PHF11: variants seen among roughly 807,000 people sequenced by gnomAD.
PHF11 encodes the protein PHD finger protein 11.
PHF11 carries 38 observed loss-of-function variants against 40.5 expected under a neutral mutation model. The ratio of observed to expected loss-of-function variants is 0.94; its 90% confidence interval spans 0.72 to 1.23. The LOEUF (loss-of-function observed/expected upper bound fraction) is 1.23. PHF11 is among the 50% of genes most tolerant of loss of function. PHF11 has a pLI of 0.00. For synonymous variants in PHF11, 127 were observed against 138.2 expected (o/e 0.92, Z 0.57); for missense variants, 369 against 392.4 (o/e 0.94, Z 0.50).
rs1566185308 is a variant in PHF11, at chr13:49,501,007, T to TTTTTTG, written c.94+4917_94+4918insGTTTTT. Among the ~76,000 whole-genome samples the TTTTTTG allele has an allele frequency of 9.8e-5, 12 of 122,542 alleles. 1 individual carries two copies. The highest frequency in any genetic ancestry group is 4.7e-4 in the African/African-American group (12 of 25,658). 80.4% of individuals were successfully genotyped at this position (122,542 alleles called of 152,430 possible). A position where few individuals can be genotyped will look rare whatever the true frequency, so the allele number is the denominator to read the frequency against. ...TGGGAGTCACCAACTTTTGTTTTTT[T>TTTTTTG]TTTTTTTTGGTTTTTTTTTTTCTGA... is the stretch of plus-strand genomic sequence containing the variant. On this transcript the variant is annotated intron_variant, in intron 1 of 9. Transcript: ENST00000378319.
chr13:49,501,000 GTT>G (rs1206782081), intron 1 of PHF11, among the ~76,000 whole-genome samples: 3 of 51,310 alleles, frequency 5.8e-5, no homozygotes, highest in South Asian at 1.2e-3. Flanking sequence ...ACCAACTTTT[GTT>G]TTTTTTTTTT....
intron 1 of PHF11, among the ~76,000 whole-genome samples, chr13:49,504,668 G>A (rs1193962177): frequency 1.3e-5 from 2 of 151,354 alleles, no homozygotes; most frequent in African/African-American, 2.4e-5. Context: ...CCCCTACTAG[G>A]AAGTGAGGAG....
intron 8 of PHF11, chr13:49,526,030 G>A (rs1297305790): frequency 1.8e-5 from 6 of 328,184 alleles, no homozygotes; most frequent in Non-Finnish European, 1.2e-5. Context: ...TTAGCCGGGC[G>A]TGGCGGTGCG....
At chr13:49,518,936 C>G (rs1017894343) in intron 4 of PHF11, 2 of 150,392 alleles carry the variant, frequency 1.3e-5, no homozygotes, top group African/African-American at 2.5e-5. Context: ...CCCGGGTTCA[C>G]GCCATTCTCC....
At chr13:49,523,139 A>C in intron 6 of PHF11, 36 bp from the exon 7 acceptor site, 1 of 1,342,800 alleles carries the variant, frequency 7.4e-7, no homozygotes, top group East Asian at 2.3e-5. Flanking sequence ...TGCAATATTA[A>C]AATCAATGTA....
intron 8 of PHF11, 105 bp from the exon 9 acceptor site, chr13:49,526,282 C>T: frequency 1.4e-6 from 1 of 718,122 alleles, no homozygotes; most frequent in Non-Finnish European, 2.5e-6. Context: ...TTCCATGGCA[C>T]ATGACTGCTC....
At chr13:49,524,273 A>C in intron 8 of PHF11, 57 bp downstream of exon 8, 1 of 327,220 alleles carries the variant, frequency 3.1e-6, no homozygotes, top group Non-Finnish European at 4.8e-6. Context: ...TCTAGATTTA[A>C]AACAAAACAA....
intron 3 of PHF11, 148 bp downstream of exon 3, chr13:49,513,314 CAACTT>C: frequency 2.2e-6 from 1 of 457,796 alleles, no homozygotes; most frequent in South Asian, 3.2e-5. Flanking sequence ...AACCTCAATT[CAACTT>C]AACATTTAAT....
chr13:49,521,997 T>G (rs754922859), intron 5 of PHF11, 46 bp from the exon 6 acceptor site: 1 of 937,624 alleles, frequency 1.1e-6, no homozygotes, highest in Non-Finnish European at 1.7e-6. Context: ...CAAACAGTAA[T>G]CTTTTCCTTT....
At chr13:49,525,161 T>C (rs571205839) in intron 8 of PHF11, among the ~76,000 whole-genome samples, 25 of 152,384 alleles carry the variant, frequency 1.6e-4, no homozygotes, top group African/African-American at 5.8e-4. Context: ...GGTTTAAAGA[T>C]GTACTTTGTT....
Position 49,501,017 on chromosome 13 carries a change from G to GTTTTTTT in PHF11, c.94+4927_94+4933dup, listed in dbSNP as rs1491587127. ...CAACTTTTGTTTTTTTTTTTTTTTG[G>GTTTTTTT]TTTTTTTTTTTCTGAAATGGAGTTT... On this transcript the variant is annotated intron_variant, in intron 1 of 9. Transcript: ENST00000378319. Among the ~76,000 whole-genome samples the GTTTTTTT allele has an allele frequency of 1.2e-3, 128 of 108,828 alleles. 13 individuals carry two copies. The highest frequency in any genetic ancestry group is 3.1e-3 in the African/African-American group (74 of 23,998). 71.4% of individuals were successfully genotyped at this position (108,828 alleles called of 152,430 possible). A position where few individuals can be genotyped will look rare whatever the true frequency, so the allele number is the denominator to read the frequency against.
chr13:49,517,392 A>T (rs1959166215), intron 3 of PHF11, among the ~76,000 whole-genome samples: 1 of 152,178 alleles, frequency 6.6e-6, no homozygotes, highest in Non-Finnish European at 1.5e-5. Context: ...CCATCATGAC[A>T]CCACTGTCAC....
intron 3 of PHF11, among the ~76,000 whole-genome samples, chr13:49,516,245 A>G (rs1021681728): frequency 3.3e-5 from 5 of 152,006 alleles, no homozygotes; most frequent in Non-Finnish European, 7.4e-5. Context: ...TTATTTGATC[A>G]TTGTACCTTG....
intron 1 of PHF11, among the ~76,000 whole-genome samples, chr13:49,498,110 A>G (rs1275707374): frequency 1.3e-5 from 2 of 152,218 alleles, no homozygotes; most frequent in African/African-American, 4.8e-5. Context: ...CTGGCATGTA[A>G]ATTCGTCTTA....
In PHF11 at chr13:49,524,158, A is replaced by T; in HGVS notation, c.711A>T (p.Ile237=). The change falls in exon 8 of 10, where the codon ATA becomes ATT. Residue 237 remains isoleucine (I), a synonymous_variant. Transcript: ENST00000378319. The stretch of plus-strand genomic sequence containing the variant: ...TTCTTAATTACTTACTTGAAGAAAT[A>T]TTAGACAAAGTTCATTCAATTCCAG... ...AGLLNYLLEE[I]LDKVHSIPEK... is the part of the protein sequence containing the mutation. The T allele has an allele frequency of 6.2e-7, 1 of 1,608,490 alleles. No homozygotes were observed. The highest frequency in any genetic ancestry group is 1.1e-5 in the South Asian group (1 of 90,778).
intron 4 of PHF11, chr13:49,518,976 C>T (rs1185586009): frequency 6.6e-6 from 1 of 151,412 alleles, no homozygotes; most frequent in Non-Finnish European, 1.5e-5. Context: ...GCTGGGACTA[C>T]AGGCGCCCGC....
chr13:49,526,333 G>A, intron 8 of PHF11, 54 bp from the exon 9 acceptor site: 3 of 1,080,110 alleles, frequency 2.8e-6, no homozygotes, highest in Non-Finnish European at 4.3e-6. Flanking sequence ...TATAAATGGA[G>A]GAGTTTCTGC....
chr13:49,505,429 C>T (rs1274652853), intron 1 of PHF11, among the ~76,000 whole-genome samples: 1 of 152,164 alleles, frequency 6.6e-6, no homozygotes, highest in Non-Finnish European at 1.5e-5. Context: ...GAGAAGAGAT[C>T]TGGATAACAG....
In PHF11 at chr13:49,506,638, T is replaced by C; in HGVS notation, c.98T>C (p.Val33Ala). ...TCACCAGGGATATTACTTATAGGTGTCTTTCAGGTTGCAGAAAAGATGGAA... is the reference window on the plus strand; with the variant it reads ...TCACCAGGGATATTACTTATAGGTGCCTTTCAGGTTGCAGAAAAGATGGAA... ...AQEALLLPTG[V>A]FQVAEKMEKR... is the part of the protein sequence containing the mutation. The change falls in exon 2 of 10, where the codon GTC becomes GCC. Residue 33 changes from valine (V) to alanine (A), a missense_variant. Physicochemically the swap from Val to Ala is moderately conservative, Grantham distance 64. Coordinates refer to ENST00000378319, the MANE Select transcript of PHF11 (RefSeq NM_001040443.3). 1.9e-6 allele frequency: 3 copies of C among 1,613,434 alleles called. No homozygotes were observed. The highest frequency in any genetic ancestry group is 1.7e-6 in the Non-Finnish European group (2 of 1,179,668).
Sources: gnomAD v4.1 joint callset for allele counts (sites outside exome capture counted in the v4.1 genomes callset) on GRCh38, gnomAD v4.1.1 for gene constraint, MANE v1.5 for transcripts, NCBI Gene and HGNC (gene_info 2026-07-23, HGNC 2026-07-21) for gene names.